Variants in PEAR1 observed in about 807,000 individuals in gnomAD.
The protein encoded by PEAR1 is multiple EGF-like domains protein 12.
In PEAR1, 113 loss-of-function variants were observed where a neutral mutation model predicts 131.2. That is an observed-to-expected ratio of 0.86 (90% CI 0.74 to 1.01). The LOEUF (loss-of-function observed/expected upper bound fraction) is 1.01, where lower values mean the gene tolerates loss of function less well. PEAR1 is among the 50% of genes least tolerant of loss of function. PEAR1 has a pLI of 0.00. For missense variants in PEAR1, 1,408 were observed against 1,391.1 expected (o/e 1.01, Z -0.19); for synonymous variants, 565 against 523.3 (o/e 1.08, Z -1.09).
rs989320202 is a variant in PEAR1 at position 156,908,179 on chromosome 1, G to C, written c.954G>C (p.Thr318=). The C allele has an allele frequency of 3.7e-6, 6 of 1,603,494 alleles. No homozygotes were observed. Among genetic ancestry groups the C allele is most frequent in the South Asian group, 3.3e-5 (3 of 90,534 alleles). ...VGRFGQDCAE[T]CDCAPDARCF... is the part of the protein sequence containing the mutation. Reference sequence around the variant, plus strand: ...GCTTTGGGCAGGACTGTGCTGAGACGTGCGACTGCGCCCCGGACGCCCGTT... The same window carrying C: ...GCTTTGGGCAGGACTGTGCTGAGACCTGCGACTGCGCCCCGGACGCCCGTT... Residue 318 remains threonine (T), a synonymous_variant, in exon 9 of 23, where the codon ACG becomes ACC. Transcript: ENST00000292357. This position sits in a 1 kb window ranked among gnomAD's most constrained non-coding sequence, Gnocchi z 4.2.
chr1:156,906,949 A>G (rs1195746489), intron 6 of PEAR1, 69 bp downstream of exon 6: 1 of 1,526,420 alleles, frequency 6.6e-7, no homozygotes, highest in Admixed American at 2.0e-5. Flanking sequence ...TATGTGGGGA[A>G]ATGAGGTGAC....
At position 156,908,067 on chromosome 1, in the gene PEAR1, C is replaced by A. The variant is rs374718760; in HGVS notation, c.902+16C>A. The A allele has an allele frequency of 1.2e-4, 92 of 736,268 alleles. No homozygotes were observed. In the African/African-American group the frequency reaches 1.4e-3, roughly 11 times the overall value. The allele number at this position is 736,268 out of a possible 1,614,324, so 45.6% of individuals were successfully genotyped here. ...CTGGGGATCGGTGAGTGGCGTGGGG[C>A]GGGCGGGAGACGGGAGGGAGGAGGT... is the stretch of plus-strand genomic sequence containing the variant. On this transcript the variant is annotated intron_variant, in intron 8 of 22. Transcript: ENST00000292357. This position sits in a 1 kb window ranked among gnomAD's most constrained non-coding sequence, Gnocchi z 4.2.
In PEAR1 at chr1:156,912,667, C is replaced by T. The variant is rs751932698; in HGVS notation, c.2209+45C>T. The T allele has an allele frequency of 3.1e-6, 5 of 1,609,172 alleles. No individual in the cohort carries two copies. The African/African-American group carries it at 6.7e-5, about 22-fold the overall frequency. ...CTTCCCACCCATTGTCCCCAGGGAA[C>T]TGGGACCTAGGCCCCTCATACAGTC... On this transcript the variant is annotated intron_variant, in intron 17 of 22. Coordinates refer to ENST00000292357, the MANE Select transcript of PEAR1 (RefSeq NM_001080471.3).
At position 156,913,709 on chromosome 1, in the gene PEAR1, C is replaced by T. The variant is rs763527165; in HGVS notation, c.2662C>T (p.Arg888Ter). The T allele has an allele frequency of 1.2e-5, 19 of 1,613,860 alleles. No individual in the cohort carries two copies. The highest frequency in any genetic ancestry group is 2.7e-5 in the African/African-American group (2 of 74,928). ...CTCCTCAGGGAGCAGCCGCCTGGACCGAAGCTACAGCTATAGCTACAGCAA... is the reference window on the plus strand; with the variant it reads ...CTCCTCAGGGAGCAGCCGCCTGGACTGAAGCTACAGCTATAGCTACAGCAA... ...PLDRGSSRLD[R>*]SYSYSYSNGP... Residue 888 changes from arginine to a stop codon, truncating the protein, a stop_gained, in exon 21 of 23, where the codon CGA (arginine) becomes TGA (stop). Transcript: ENST00000292357. LOFTEE classifies it high-confidence loss of function.
intron 2 of PEAR1, 129 bp downstream of exon 2, chr1:156,904,156 G>A (rs555513764): frequency 6.6e-5 from 48 of 728,896 alleles, no homozygotes; most frequent in African/African-American, 3.2e-4. Context: ...CTCCCCTCCC[G>A]CCTATTTCTC....
In PEAR1 at chr1:156,910,718, C is replaced by T. The variant is rs147462476; in HGVS notation, c.1926C>T (p.Gly642=). 1 of 1,613,990 alleles carries T rather than the reference C, an allele frequency of 6.2e-7. No homozygotes were observed. The highest frequency in any genetic ancestry group is 8.5e-7 in the Non-Finnish European group (1 of 1,180,032). ...ACGGGACCTGCTACTGCCTGGCTGG[C>T]TGGACAGGCCCCGACTGCTCCCAGC... ...PSNGTCYCLA[G]WTGPDCSQPC... The change falls in exon 15 of 23, where the codon GGC becomes GGT. Residue 642 remains glycine, a synonymous_variant. Coordinates refer to ENST00000292357, the MANE Select transcript of PEAR1 (RefSeq NM_001080471.3).
Position 156,912,232 on chromosome 1 carries a change from C to T in PEAR1, c.1952-15C>T. 1 of 1,604,798 alleles carries T rather than the reference C, an allele frequency of 6.2e-7. No individual in the cohort carries two copies. The highest frequency in any genetic ancestry group is 1.7e-4 in the Middle Eastern group (1 of 5,974). Reference sequence around the variant, plus strand: ...CTGTACCTGCCCCACCAGACAGGCCCCATGTCTCCCGTAGCATGCCCTCCA... The same window carrying T: ...CTGTACCTGCCCCACCAGACAGGCCTCATGTCTCCCGTAGCATGCCCTCCA... On this transcript the variant is annotated splice_polypyrimidine_tract_variant and intron_variant, in intron 15 of 22. Transcript: ENST00000292357.
chr1:156,906,321 A>G lies in PEAR1; in HGVS notation c.353A>G (p.Asn118Ser), dbSNP rs765846949. The stretch of plus-strand genomic sequence containing the variant: ...GTCCATGGCCGTTGTGTGGCACCCA[A>G]TCAGTGCCAATGTGTGCCAGGCTGG... ...ECVHGRCVAP[N>S]QCQCVPGWRG... Residue 118 changes from asparagine to serine, a missense_variant, in exon 5 of 23, where the codon AAT (asparagine) becomes AGT (serine). Asn to Ser is a conservative substitution (Grantham distance 46). Coordinates refer to ENST00000292357, the MANE Select transcript of PEAR1 (RefSeq NM_001080471.3). 1.9e-6 allele frequency: 3 copies of G among 1,614,168 alleles called. No homozygotes were observed. Among genetic ancestry groups the G allele is most frequent in the Non-Finnish European group, 2.5e-6 (3 of 1,180,012 alleles).
At chr1:156,913,094 G>T in intron 18 of PEAR1, 100 bp from the exon 19 acceptor site, 1 of 1,546,516 alleles carries the variant, frequency 6.5e-7, no homozygotes, top group Middle Eastern at 1.7e-4. Flanking sequence ...GGGAGGAAGG[G>T]AGGTCAGGGA....
intron 3 of PEAR1, chr1:156,905,057 A>C (rs1650090994): frequency 1.5e-6 from 2 of 1,303,948 alleles, no homozygotes; most frequent in South Asian, 2.5e-5. Flanking sequence ...GTACGCATGC[A>C]TGTTACAGTA....
In PEAR1 at chr1:156,905,335, G is replaced by T. The variant is rs760431273; in HGVS notation, c.218G>T (p.Arg73Leu). Reference sequence around the variant, plus strand: ...CCTGGCCTCCGCAGGGTTGTATACCGGACCGTGTACCGTCAGGTGGTGAAG... The same window carrying T: ...CCTGGCCTCCGCAGGGTTGTATACCTGACCGTGTACCGTCAGGTGGTGAAG... Reference protein sequence around the residue: ...HTCPQPTVVYRTVYRQVVKTD... With the variant: ...HTCPQPTVVYLTVYRQVVKTD... Residue 73 changes from arginine (R) to leucine (L), a missense_variant, in exon 4 of 23, where the codon CGG becomes CTG. Transcript: ENST00000292357. 3.7e-6 allele frequency: 6 copies of T among 1,611,952 alleles called. No homozygotes were observed. The highest frequency in any genetic ancestry group is 4.2e-6 in the Non-Finnish European group (5 of 1,179,630).
chr1:156,909,728 T>G, intron 11 of PEAR1, 23 bp from the exon 12 acceptor site: 1 of 1,575,974 alleles, frequency 6.3e-7, no homozygotes, highest in Non-Finnish European at 8.7e-7. Context: ...TCCCCATACC[T>G]ACCTACCAGG....
At position 156,908,468 on chromosome 1, in the gene PEAR1, T is replaced by G; in HGVS notation, c.1115+128T>G. 1 of 1,269,906 alleles carries G rather than the reference T, an allele frequency of 7.9e-7. No individual in the cohort carries two copies. The highest frequency in any genetic ancestry group is 2.6e-4 in the Middle Eastern group (1 of 3,898). The allele number at this position is 1,269,906 out of a possible 1,614,324, so 78.7% of individuals were successfully genotyped here. On this transcript the variant is annotated intron_variant, in intron 9 of 22. Coordinates refer to ENST00000292357, the MANE Select transcript of PEAR1 (RefSeq NM_001080471.3). The surrounding 1 kb of genome is among the most constrained non-coding windows in gnomAD (Gnocchi z 4.2). ...TCACAGAAGGGGAAAGGGAGGGACC[T>G]CAGGGGCCGGGAGGGGCCTGGGGTA...
rs577639955 is a variant in PEAR1 at position 156,900,120 on chromosome 1, C to T, written c.-9-3798C>T. 9.9e-4 allele frequency among the ~76,000 whole-genome samples: 151 copies of T among 152,278 alleles called. 1 individual carries two copies. The highest frequency in any genetic ancestry group is 4.8e-3 in the Admixed American group (73 of 15,290). Reference sequence around the variant, plus strand: ...TTTAGGGAAGCCCAGGGAGGGTGATCTGGTCTTCTGTGTGGGCTCGGAGGC... The same window carrying T: ...TTTAGGGAAGCCCAGGGAGGGTGATTTGGTCTTCTGTGTGGGCTCGGAGGC... On this transcript the variant is annotated intron_variant, in intron 1 of 22. Coordinates refer to ENST00000292357, the MANE Select transcript of PEAR1 (RefSeq NM_001080471.3).
At chr1:156,897,035 T>C (rs1649235968) in intron 1 of PEAR1, among the ~76,000 whole-genome samples, 1 of 152,154 alleles carries the variant, frequency 6.6e-6, no homozygotes, top group Non-Finnish European at 1.5e-5. Flanking sequence ...TCTGAGCATC[T>C]CTCCCTCTCT....
rs374652706 is a variant in PEAR1 at position 156,912,499 on chromosome 1, C to G, written c.2086C>G (p.Pro696Ala). 7 of 1,613,238 alleles carry G rather than the reference C, an allele frequency of 4.3e-6. No homozygotes were observed. The highest frequency in any genetic ancestry group is 5.1e-6 in the Non-Finnish European group (6 of 1,179,664). The part of the protein sequence containing the change: ...WTGHHCLEGC[P>A]LGTFGANCSQ... Reference sequence around the variant, plus strand: ...CTCCTTGGCTGTCTCCCCAGGCTGCCCTCTGGGGACATTTGGTGCTAACTG... The same window carrying G: ...CTCCTTGGCTGTCTCCCCAGGCTGCGCTCTGGGGACATTTGGTGCTAACTG... Residue 696 changes from proline (P) to alanine (A), a missense_variant, in exon 17 of 23, where the codon CCT becomes GCT. Transcript: ENST00000292357.
chr1:156,904,655 C>A (rs962315531), intron 2 of PEAR1, 93 bp from the exon 3 acceptor site: 2 of 1,288,916 alleles, frequency 1.6e-6, no homozygotes, highest in African/African-American at 3.0e-5. Flanking sequence ...CTGTGGATTC[C>A]CCACTGTGGC....
intron 1 of PEAR1, among the ~76,000 whole-genome samples, chr1:156,899,721 T>C (rs539796235): frequency 6.6e-6 from 1 of 152,128 alleles, no homozygotes; most frequent in African/African-American, 2.4e-5. Flanking sequence ...ACTCATTTAG[T>C]CTGCACAGCG....
rs145255322 is a variant in PEAR1 at position 156,909,661 on chromosome 1, G to A, written c.1412-90G>A. On this transcript the variant is annotated intron_variant, in intron 11 of 22. Coordinates refer to ENST00000292357, the MANE Select transcript of PEAR1 (RefSeq NM_001080471.3). ...CACCCCCCACCCACCCCAGCTCATAGCATAGAATCTGGCCCAGCCAGCTCC... is the reference window on the plus strand; with the variant it reads ...CACCCCCCACCCACCCCAGCTCATAACATAGAATCTGGCCCAGCCAGCTCC... The A allele has an allele frequency of 7.7e-5, 106 of 1,384,598 alleles. No individual in the cohort carries two copies. In the African/African-American group the frequency reaches 1.4e-3, roughly 18 times the overall value. The allele number at this position is 1,384,598 out of a possible 1,614,324, so 85.8% of individuals were successfully genotyped here. A position where few individuals can be genotyped will look rare whatever the true frequency, so the allele number is the denominator to read the frequency against.
Sources: allele counts gnomAD v4.1 joint callset (sites outside exome capture counted in the v4.1 genomes callset), GRCh38; gene constraint gnomAD v4.1.1; non-coding constraint Gnocchi (gnomAD v3.1); transcripts MANE v1.5; gene names NCBI Gene and HGNC (gene_info 2026-07-23, HGNC 2026-07-21).